The following LY96 variants were observed in gnomAD, a reference collection of about 807,000 sequenced individuals.
LY96 encodes myeloid differentiation protein-2.
Under a neutral mutation model 18.9 loss-of-function variants are expected in LY96, and 18 were observed. The ratio of observed to expected loss-of-function variants is 0.95; its 90% CI spans 0.66 to 1.41. LY96 has a LOEUF of 1.41. Among genes scored for constraint, LY96 ranks in the 40% most tolerant of loss-of-function variants. The probability of loss-of-function intolerance (pLI) is 0.00; values close to 1 mark genes in which losing one functional copy is unlikely to be tolerated. For synonymous variants in LY96, 66 were observed against 62.6 expected (o/e 1.06, Z -0.26); for missense variants, 175 against 182.4 (o/e 0.96, Z 0.23).
intron 3 of LY96, among the ~76,000 whole-genome samples, 171 bp downstream of exon 3, chr8:74,010,300 C>G (rs1206167318): frequency 6.6e-6 from 1 of 152,096 alleles, no homozygotes; most frequent in Non-Finnish European, 1.5e-5. Context: ...TATACTTGAA[C>G]TGTTAGGATG....
chr8:74,072,267 C>G, the LY96 span, among the ~76,000 whole-genome samples: 46 of 151,948 alleles, frequency 3.0e-4, no homozygotes, highest in Admixed American at 5.9e-4. Flanking sequence ...TAAATTTTAC[C>G]AAACTAATGG....
chr8:73,996,345 CT>C (rs1816127235), intron 1 of LY96, among the ~76,000 whole-genome samples: 1 of 130,180 alleles, frequency 7.7e-6, no homozygotes, highest in Non-Finnish European at 1.6e-5. Flanking sequence ...TCCTTCCTTC[CT>C]TCCTTCCTTC....
At position 74,019,830 on chromosome 8, in the gene LY96, T is replaced by C. The variant is rs1400496019; in HGVS notation, c.332-6959T>C. ...ACCAAAGACAAAAATCACACGATTATGTCACTAGATGCAGAAAAGGCCTTC... is the reference window on the plus strand; with the variant it reads ...ACCAAAGACAAAAATCACACGATTACGTCACTAGATGCAGAAAAGGCCTTC... On this transcript the variant is annotated intron_variant, in intron 3 of 4. Transcript: ENST00000284818. 2.0e-5 allele frequency among the ~76,000 whole-genome samples: 3 copies of C among 152,338 alleles called. No homozygotes were observed. In the East Asian group the frequency reaches 5.8e-4, roughly 29 times the overall value.
chr8:74,063,966 G>A, the LY96 span, among the ~76,000 whole-genome samples: 12 of 152,172 alleles, frequency 7.9e-5, no homozygotes, highest in Admixed American at 1.3e-4. Context: ...ATACTCTGTT[G>A]GTTGGTACTG....
At chr8:74,018,129 G>C (rs185952327) in intron 3 of LY96, among the ~76,000 whole-genome samples, 8,499 of 151,826 alleles carry the variant, frequency 0.056, 764 homozygotes, top group African/African-American at 0.19. Context: ...GAGTCAAGAC[G>C]TATCAGTGTG....
At chr8:74,027,951 G>T (rs1034558776) in intron 4 of LY96, among the ~76,000 whole-genome samples, 5 of 152,080 alleles carry the variant, frequency 3.3e-5, no homozygotes, top group Admixed American at 6.5e-5. Context: ...CAGTAAACTT[G>T]GTTGTGGAAG....
chr8:74,011,106 C>T (rs958087456), intron 3 of LY96, among the ~76,000 whole-genome samples: 5 of 152,104 alleles, frequency 3.3e-5, no homozygotes, highest in South Asian at 2.1e-4. Flanking sequence ...TCGTGATTTA[C>T]GTTCTGGTTA....
At chr8:74,050,443 C>T in the LY96 span, among the ~76,000 whole-genome samples, 5 of 151,964 alleles carry the variant, frequency 3.3e-5, no homozygotes, top group African/African-American at 1.2e-4. Context: ...CATACCCACC[C>T]GCCCACTCCA....
chr8:74,067,969 G>A, the LY96 span, among the ~76,000 whole-genome samples: 7 of 147,328 alleles, frequency 4.8e-5, no homozygotes, highest in African/African-American at 1.8e-4. Context: ...GCTGAGGCAG[G>A]AGAATTGCTT....
chr8:74,020,510 A>T (rs1011821948), intron 3 of LY96, among the ~76,000 whole-genome samples: 4 of 152,320 alleles, frequency 2.6e-5, no homozygotes, highest in Non-Finnish European at 4.4e-5. Context: ...TAATTTATAG[A>T]TTCAATGCCA....
downstream of LY96, among the ~76,000 whole-genome samples, chr8:74,030,306 A>G (rs1469268143): frequency 6.6e-6 from 1 of 152,172 alleles, no homozygotes; most frequent in Non-Finnish European, 1.5e-5. Flanking sequence ...TGAGGTCAGG[A>G]GTTTGAGACC....
the LY96 span, among the ~76,000 whole-genome samples, chr8:74,041,050 G>A: frequency 1.3e-5 from 2 of 152,086 alleles, no homozygotes; most frequent in African/African-American, 2.4e-5. Context: ...GACCCCAAAC[G>A]GAGGGATCAG....
the LY96 span, among the ~76,000 whole-genome samples, chr8:74,091,720 A>G: frequency 2.6e-5 from 4 of 152,102 alleles, no homozygotes; most frequent in African/African-American, 7.2e-5. Flanking sequence ...CTGTCCTTCA[A>G]CCAGTACTGG....
At chr8:74,062,689 T>C in the LY96 span, among the ~76,000 whole-genome samples, 1 of 152,164 alleles carries the variant, frequency 6.6e-6, no homozygotes, top group East Asian at 1.9e-4. Context: ...GTATCTTTAG[T>C]TGTATCAACT....
At chr8:74,086,199 C>G in the LY96 span, among the ~76,000 whole-genome samples, 1 of 152,306 alleles carries the variant, frequency 6.6e-6, no homozygotes, top group Non-Finnish European at 1.5e-5. Flanking sequence ...CAATCGGAGT[C>G]ATTCCCCTGA....
At chr8:74,057,877 G>A in the LY96 span, among the ~76,000 whole-genome samples, 2 of 152,204 alleles carry the variant, frequency 1.3e-5, no homozygotes, top group Non-Finnish European at 2.9e-5. Context: ...TTATGCTTCA[G>A]TATAAAAATG....
At chr8:74,089,167 A>C in the LY96 span, among the ~76,000 whole-genome samples, 1 of 152,142 alleles carries the variant, frequency 6.6e-6, no homozygotes, top group Non-Finnish European at 1.5e-5. Flanking sequence ...TCAGTGATGA[A>C]ATAGCTGGTG....
chr8:74,055,426 T>C, the LY96 span, among the ~76,000 whole-genome samples: 15 of 152,190 alleles, frequency 9.9e-5, no homozygotes, highest in East Asian at 1.7e-3. Context: ...TTGGTCCCTA[T>C]CTGTAAGATT....
chr8:74,033,242 A>G (rs1002982767), downstream of LY96, among the ~76,000 whole-genome samples: 17 of 152,204 alleles, frequency 1.1e-4, no homozygotes, highest in African/African-American at 4.1e-4. Flanking sequence ...CAGAACAGTG[A>G]TATAATTTTT....
Sources: allele counts gnomAD v4.1 joint callset (sites outside exome capture counted in the v4.1 genomes callset), GRCh38; gene constraint gnomAD v4.1.1; transcripts MANE v1.5; gene names NCBI Gene and HGNC (gene_info 2026-07-23, HGNC 2026-07-21).